PLCB4: variants seen among roughly 807,000 people sequenced by gnomAD.
The protein encoded by PLCB4 is 1-phosphatidylinositol 4,5-bisphosphate phosphodiesterase beta-4.
A neutral mutation model predicts 178.8 loss-of-function variants in PLCB4; 77 were observed. The ratio of observed to expected loss-of-function variants is 0.43; its 90% CI spans 0.36 to 0.52. The LOEUF is 0.52. PLCB4 is among the 20% of genes least tolerant of loss of function. The pLI, the probability that PLCB4 is intolerant of heterozygous loss-of-function variation, is 0.00. For synonymous variants in PLCB4, 496 were observed against 490.8 expected, an observed-to-expected ratio of 1.01 and a Z score of -0.14; for missense variants, 1,024 against 1,453.4, an observed-to-expected ratio of 0.70 and a Z score of 4.80.
intron 1 of PLCB4, among the ~76,000 whole-genome samples, chr20:9,069,533 A>G (rs1039929516): frequency 5.3e-5 from 8 of 152,208 alleles, no homozygotes; most frequent in African/African-American, 1.4e-4. Flanking sequence ...CGTGCAACGC[A>G]TGTAAATGTG....
chr20:9,279,577 T>A (rs1255767872), intron 3 of PLCB4, among the ~76,000 whole-genome samples: 3 of 151,890 alleles, frequency 2.0e-5, no homozygotes, highest in African/African-American at 7.2e-5. Context: ...CAGCTCAAAT[T>A]TGAGATATGA....
At chr20:9,297,179 T>C (rs2094647600) in intron 3 of PLCB4, among the ~76,000 whole-genome samples, 1 of 151,994 alleles carries the variant, frequency 6.6e-6, no homozygotes, top group African/African-American at 2.4e-5. Context: ...ACCATATATA[T>C]ATTTTTTTGC....
intron 36 of PLCB4, among the ~76,000 whole-genome samples, chr20:9,472,263 G>T (rs1375060948): frequency 6.6e-6 from 1 of 152,140 alleles, no homozygotes; most frequent in African/African-American, 2.4e-5. Flanking sequence ...TAGAAATTCA[G>T]ACCTCCCACC....
At chr20:9,355,050 G>C (rs897270159) in intron 7 of PLCB4, among the ~76,000 whole-genome samples, 1 of 152,104 alleles carries the variant, frequency 6.6e-6, no homozygotes, top group Non-Finnish European at 1.5e-5. Context: ...CCAGGCTTCT[G>C]AAATGTCTTA....
intron 3 of PLCB4, among the ~76,000 whole-genome samples, chr20:9,263,192 A>G (rs761006633): frequency 6.6e-6 from 1 of 152,142 alleles, no homozygotes; most frequent in African/African-American, 2.4e-5. Flanking sequence ...AGCACTGGCC[A>G]GGGGCAAGAT....
intron 3 of PLCB4, among the ~76,000 whole-genome samples, chr20:9,237,576 T>A (rs1025842974): frequency 2.6e-5 from 4 of 152,206 alleles, no homozygotes; most frequent in Non-Finnish European, 5.9e-5. Flanking sequence ...CAGCCATCTG[T>A]GTTTTCACAA....
At chr20:9,260,757 G>A (rs185173074) in intron 3 of PLCB4, among the ~76,000 whole-genome samples, 2 of 151,944 alleles carry the variant, frequency 1.3e-5, no homozygotes, top group Non-Finnish European at 2.9e-5. Flanking sequence ...AGAGAGAGAT[G>A]ATCATAGAAT....
intron 2 of PLCB4, among the ~76,000 whole-genome samples, chr20:9,150,066 A>G (rs1212361969): frequency 2.0e-5 from 3 of 152,214 alleles, no homozygotes; most frequent in African/African-American, 7.2e-5. Flanking sequence ...TTCTGCCTGC[A>G]TCACTCATAG....
chr20:9,437,593 A>G (rs1178166085), intron 30 of PLCB4, among the ~76,000 whole-genome samples: 4 of 152,200 alleles, frequency 2.6e-5, no homozygotes, highest in East Asian at 1.9e-4. Flanking sequence ...ATTGGTTTCC[A>G]TATGAATTGG....
chr20:9,334,785 A>G (rs1356320157), intron 4 of PLCB4, among the ~76,000 whole-genome samples: 1 of 152,120 alleles, frequency 6.6e-6, no homozygotes, highest in Non-Finnish European at 1.5e-5. Context: ...AAGAAGTCAA[A>G]TATAGGAGGG....
chr20:9,303,834 AT>A (rs1264933440), intron 3 of PLCB4, among the ~76,000 whole-genome samples: 2 of 152,170 alleles, frequency 1.3e-5, no homozygotes, highest in Non-Finnish European at 2.9e-5. Context: ...ACTTTGAAAG[AT>A]ATATACTTTT....
rs1476963366 is a variant in PLCB4 at position 9,362,926 on chromosome 20, C to G, written c.400C>G (p.His134Asp). The G allele has an allele frequency of 6.2e-7, 1 of 1,612,812 alleles. No individual in the cohort carries two copies. Among genetic ancestry groups the G allele is most frequent in the Non-Finnish European group, 8.5e-7 (1 of 1,178,902 alleles). ...QWVEGLRSII[H>D]NFRANNVSPM... is the part of the protein sequence containing the mutation. ...GGTAGAAGGCCTGAGATCAATCATACACAACTTCAGGGCCAACAACGTCAG... is the reference window on the plus strand; with the variant it reads ...GGTAGAAGGCCTGAGATCAATCATAGACAACTTCAGGGCCAACAACGTCAG... The change falls in exon 8 of 40, where the codon CAC becomes GAC. Residue 134 changes from histidine to aspartate, a missense_variant. Transcript: ENST00000378473.
intron 2 of PLCB4, among the ~76,000 whole-genome samples, chr20:9,140,043 C>A (rs995902160): frequency 1.1e-4 from 16 of 152,042 alleles, no homozygotes; most frequent in Non-Finnish European, 2.2e-4. Flanking sequence ...CTGACACTTG[C>A]CTTCTAACTT....
At chr20:9,329,020 G>A (rs2031201038) in intron 4 of PLCB4, among the ~76,000 whole-genome samples, 1 of 152,230 alleles carries the variant, frequency 6.6e-6, no homozygotes, top group Non-Finnish European at 1.5e-5. Context: ...TTGCAAGTGT[G>A]CAAAGAAGCT....
At chr20:9,417,044 A>G (rs1462023853) in intron 25 of PLCB4, among the ~76,000 whole-genome samples, 1 of 152,210 alleles carries the variant, frequency 6.6e-6, no homozygotes, top group Non-Finnish European at 1.5e-5. Flanking sequence ...TGAAATTAAT[A>G]AAAGTTATGC....
intron 29 of PLCB4, among the ~76,000 whole-genome samples, chr20:9,436,011 T>C (rs2041745239): frequency 6.6e-6 from 1 of 152,242 alleles, no homozygotes; most frequent in African/African-American, 2.4e-5. Context: ...ACCTTTTGAG[T>C]GCTGACATTG....
At chr20:9,091,608 G>A (rs1233235230) in intron 1 of PLCB4, among the ~76,000 whole-genome samples, 5 of 150,644 alleles carry the variant, frequency 3.3e-5, no homozygotes, top group Non-Finnish European at 5.9e-5. Context: ...CTCTGAACTT[G>A]TCCTCATGGG....
chr20:9,186,352 T>C (rs1486878249), intron 2 of PLCB4, among the ~76,000 whole-genome samples: 1 of 152,188 alleles, frequency 6.6e-6, no homozygotes, highest in Admixed American at 6.5e-5. Context: ...TAATGACAGA[T>C]TAGTCTCTGC....
At position 9,450,704 on chromosome 20, in the gene PLCB4, A is replaced by AC. The variant is rs1237602907; in HGVS notation, c.2881-2643_2881-2642insC. Among the ~76,000 whole-genome samples, 14 of 124,416 alleles carry AC rather than the reference A, an allele frequency of 1.1e-4. No homozygotes were observed. In the East Asian group the frequency reaches 3.0e-3, roughly 27 times the overall value. 81.6% of individuals were successfully genotyped at this position (124,416 alleles called of 152,430 possible). The stretch of plus-strand genomic sequence containing the variant: ...GAGATGGAGTCTTGCTCTGTCATGC[A>AC]GTGGCATGATCTCGACTCACTGCAA... On this transcript the variant is annotated intron_variant, in intron 32 of 39. Transcript: ENST00000378473.
Sources: gnomAD v4.1 joint callset for allele counts (sites outside exome capture counted in the v4.1 genomes callset) on GRCh38, gnomAD v4.1.1 for gene constraint, MANE v1.5 for transcripts, NCBI Gene and HGNC (gene_info 2026-07-23, HGNC 2026-07-21) for gene names.